LTA4H: variants seen among roughly 807,000 people sequenced by gnomAD.
The protein encoded by LTA4H is leukotriene A-4 hydrolase.
Under a neutral mutation model 89.8 loss-of-function variants are expected in LTA4H, and 59 were observed. The observed-to-expected ratio is 0.66, with a 90% CI of 0.53 to 0.82. LTA4H has a LOEUF of 0.82. LTA4H is among the 40% of genes least tolerant of loss of function. The probability of loss-of-function intolerance (pLI) is 0.00; values close to 1 mark genes in which losing one functional copy is unlikely to be tolerated. For synonymous variants in LTA4H, 227 were observed against 253.1 expected (o/e 0.90, Z 0.98); for missense variants, 617 against 727.0 (o/e 0.85, Z 1.74).
At chr12:96,005,439 G>C (rs536004278) in intron 16 of LTA4H, among the ~76,000 whole-genome samples, 4 of 152,218 alleles carry the variant, frequency 2.6e-5, no homozygotes, top group African/African-American at 9.6e-5. Flanking sequence ...TTTTCCTACT[G>C]ATCAGTGTAA....
chr12:96,019,054 A>G (rs1592886064), intron 7 of LTA4H, 114 bp downstream of exon 7: 1 of 1,188,406 alleles, frequency 8.4e-7, no homozygotes, highest in Non-Finnish European at 1.2e-6. Flanking sequence ...ACACATCTAC[A>G]TAAAAGACAA....
At chr12:96,029,686 T>C (rs1950552754) in intron 1 of LTA4H, among the ~76,000 whole-genome samples, 2 of 152,188 alleles carry the variant, frequency 1.3e-5, no homozygotes, top group African/African-American at 4.8e-5. Flanking sequence ...GACCAAATGA[T>C]TCTGCAGAGG....
chr12:96,034,866 G>A (rs1307801840), intron 1 of LTA4H, among the ~76,000 whole-genome samples: 1 of 152,228 alleles, frequency 6.6e-6, no homozygotes, highest in African/African-American at 2.4e-5. Flanking sequence ...TCTGAGACTT[G>A]GGTGAGATTG....
At chr12:96,029,777 T>A (rs973341186) in intron 1 of LTA4H, among the ~76,000 whole-genome samples, 2 of 152,132 alleles carry the variant, frequency 1.3e-5, no homozygotes, top group Non-Finnish European at 2.9e-5. Flanking sequence ...AGTGTCAGAG[T>A]ATTTTCTATC....
chr12:96,009,064 A>C, intron 15 of LTA4H, 30 bp downstream of exon 15: 2 of 1,519,704 alleles, frequency 1.3e-6, no homozygotes, highest in South Asian at 1.1e-5. Flanking sequence ...CAATTCAAAA[A>C]GGAATCAAAA....
intron 16 of LTA4H, among the ~76,000 whole-genome samples, chr12:96,005,545 C>T (rs750126114): frequency 4.1e-4 from 63 of 152,148 alleles, no homozygotes; most frequent in Non-Finnish European, 1.6e-4. Context: ...CCCAGTGCTA[C>T]TGTTTACTCC....
rs555938444 is a variant in LTA4H, at chr12:96,000,830, TAAG to T, written c.*156_*158del. The T allele has an allele frequency of 1.4e-4, 77 of 546,880 alleles. No individual in the cohort carries two copies. The highest frequency in any genetic ancestry group is 1.1e-3 in the Middle Eastern group (3 of 2,652). The allele number at this position is 546,880 out of a possible 1,614,324, so 33.9% of individuals were successfully genotyped here. ...AAAATTTACAAAGAATATGCCACTATAAGAAGAAGTAGCTCAACTTTATTTCAG... is the reference window on the plus strand; with the variant it reads ...AAAATTTACAAAGAATATGCCACTATAAGAAGTAGCTCAACTTTATTTCAG... On this transcript the variant is annotated 3_prime_UTR_variant, in exon 19 of 19. Transcript: ENST00000228740.
upstream of LTA4H, among the ~76,000 whole-genome samples, chr12:96,036,174 T>G (rs759401944): frequency 7.9e-5 from 12 of 152,228 alleles, no homozygotes; most frequent in Non-Finnish European, 1.8e-4. Context: ...GTTTATTATG[T>G]ATATCCCCAG....
In LTA4H at chr12:96,001,225, G is replaced by A. The variant is rs563736079; in HGVS notation, c.1719-119C>T. The A allele has an allele frequency of 1.6e-5, 11 of 672,848 alleles. No homozygotes were observed. The South Asian group carries it at 1.8e-4, about 11-fold the overall frequency. 41.7% of individuals were successfully genotyped at this position (672,848 alleles called of 1,614,324 possible). A position where few individuals can be genotyped will look rare whatever the true frequency, so the allele number is the denominator to read the frequency against. On this transcript the variant is annotated intron_variant, in intron 18 of 18. Transcript: ENST00000228740. ...TTCAGAGGAAAGGAAAAAGGAAGGA[G>A]AAAGAGAATAAGAACACAAGTCAAT...
chr12:96,041,481 C>G (rs748349691), intron 1 of LTA4H, among the ~76,000 whole-genome samples: 4 of 151,884 alleles, frequency 2.6e-5, no homozygotes, highest in Non-Finnish European at 5.9e-5. Flanking sequence ...CTCTTTTTTA[C>G]AGAAATGTGT....
intron 11 of LTA4H, 145 bp downstream of exon 11, chr12:96,015,438 A>G (rs1346289101): frequency 3.5e-5 from 22 of 634,340 alleles, no homozygotes; most frequent in Non-Finnish European, 6.1e-5. Context: ...GGATCAACAC[A>G]GTGTTATACC....
At chr12:96,013,948 C>T (rs1250934937) in intron 12 of LTA4H, 95 bp from the exon 13 acceptor site, 4 of 609,814 alleles carry the variant, frequency 6.6e-6, no homozygotes, top group South Asian at 4.3e-5. Flanking sequence ...CCACAGAGAA[C>T]AGAGAACATT....
upstream of LTA4H, among the ~76,000 whole-genome samples, chr12:96,040,331 T>C (rs1159230499): frequency 3.3e-5 from 5 of 152,212 alleles, no homozygotes; most frequent in African/African-American, 4.8e-5. Flanking sequence ...TCTGGCATGA[T>C]AGAGATCATT....
chr12:96,014,125 A>T, intron 12 of LTA4H: 1 of 252,622 alleles, frequency 4.0e-6, no homozygotes, highest in South Asian at 9.5e-5. Context: ...AAAGGAATGC[A>T]TAACCCAAGT....
At chr12:96,040,650 G>GT (rs1401377160) in intron 1 of LTA4H, among the ~76,000 whole-genome samples, 2 of 152,248 alleles carry the variant, frequency 1.3e-5, no homozygotes, top group African/African-American at 4.8e-5. Context: ...TGTGCTGAGA[G>GT]TGGTGGAGCA....
intron 1 of LTA4H, among the ~76,000 whole-genome samples, chr12:96,029,581 G>A (rs894740718): frequency 2.6e-5 from 4 of 152,122 alleles, no homozygotes; most frequent in African/African-American, 9.7e-5. Flanking sequence ...TAGAACTCAT[G>A]TACTTTCAAA....
chr12:96,026,318 T>A (rs1950512785), intron 3 of LTA4H, among the ~76,000 whole-genome samples: 1 of 152,366 alleles, frequency 6.6e-6, no homozygotes, highest in East Asian at 1.9e-4. Context: ...CATGTCTACA[T>A]GATTCCTATC....
intron 3 of LTA4H, among the ~76,000 whole-genome samples, chr12:96,026,335 A>G (rs1385715568): frequency 6.6e-6 from 1 of 152,188 alleles, no homozygotes; most frequent in African/African-American, 2.4e-5. Flanking sequence ...TATCACCTCA[A>G]TCATTTATTA....
At chr12:96,042,654 A>T (rs1566022326) in intron 1 of LTA4H, among the ~76,000 whole-genome samples, 1 of 152,250 alleles carries the variant, frequency 6.6e-6, no homozygotes, top group Non-Finnish European at 1.5e-5. Flanking sequence ...ATAGACATAT[A>T]GCTTAGAAGG....
Sources: gnomAD v4.1 joint callset for allele counts (sites outside exome capture counted in the v4.1 genomes callset) on GRCh38, gnomAD v4.1.1 for gene constraint, MANE v1.5 for transcripts, NCBI Gene and HGNC (gene_info 2026-07-23, HGNC 2026-07-21) for gene names.